ARNT: variants seen among roughly 807,000 people sequenced by gnomAD.
ARNT encodes the protein aryl hydrocarbon receptor nuclear translocator.
A neutral mutation model predicts 105.0 loss-of-function variants in ARNT; 30 were observed. The observed-to-expected ratio is 0.29, with a 90% CI of 0.21 to 0.39. The LOEUF (loss-of-function observed/expected upper bound fraction) is 0.39. Ranked by LOEUF, ARNT falls within the 10% of genes least tolerant of loss-of-function variation. ARNT has a pLI of 1.00. For synonymous variants in ARNT, 304 were observed against 344.0 expected (o/e 0.88, Z 1.29); for missense variants, 748 against 978.7 (o/e 0.76, Z 3.15).
At chr1:150,840,005 T>C (rs1031483968) in intron 5 of ARNT, among the ~76,000 whole-genome samples, 3 of 152,022 alleles carry the variant, frequency 2.0e-5, no homozygotes, top group East Asian at 1.9e-4. Context: ...CTTTGGGAGA[T>C]GGAGGCAGGT....
At chr1:150,813,919 C>T (rs769905221) in intron 20 of ARNT, among the ~76,000 whole-genome samples, 158 bp downstream of exon 20, 6 of 152,164 alleles carry the variant, frequency 3.9e-5, no homozygotes, top group Non-Finnish European at 8.8e-5. Flanking sequence ...AGCCACCGCA[C>T]CCAGCTGGTA....
At chr1:150,818,251 G>T (rs1656352133) in intron 14 of ARNT, 3 of 445,722 alleles carry the variant, frequency 6.7e-6, no homozygotes, top group South Asian at 4.8e-5. Flanking sequence ...CATCTTGTTG[G>T]GTTCTAACTC....
chr1:150,815,901 A>G (rs1056941604), intron 19 of ARNT, among the ~76,000 whole-genome samples: 1 of 151,256 alleles, frequency 6.6e-6, no homozygotes, highest in Non-Finnish European at 1.5e-5. Context: ...ACTTTTTTGT[A>G]AACAGACATC....
intron 14 of ARNT, among the ~76,000 whole-genome samples, chr1:150,822,050 T>C (rs1374591942): frequency 1.3e-5 from 2 of 152,122 alleles, no homozygotes; most frequent in South Asian, 2.1e-4. Flanking sequence ...AATGATAAAA[T>C]AGACTAGAAT....
Position 150,817,447 on chromosome 1 carries a change from G to T in ARNT, c.1506-14C>A. 1 of 1,612,778 alleles carries T rather than the reference G, an allele frequency of 6.2e-7. No individual in the cohort carries two copies. Among genetic ancestry groups the T allele is most frequent in the Non-Finnish European group, 8.5e-7 (1 of 1,179,672 alleles). On this transcript the variant is annotated splice_polypyrimidine_tract_variant and intron_variant, in intron 15 of 21. Transcript: ENST00000358595. Reference sequence around the variant, plus strand: ...TGTTGCTGCTGCCTATATGTCAAAGGCCAGTTGACAAGACAAATAGAAAAA... The same window carrying T: ...TGTTGCTGCTGCCTATATGTCAAAGTCCAGTTGACAAGACAAATAGAAAAA...
intron 10 of ARNT, 84 bp downstream of exon 10, chr1:150,831,732 CAG>C: frequency 1.2e-6 from 1 of 820,302 alleles, no homozygotes; most frequent in Non-Finnish European, 2.0e-6. Context: ...TTTCATATAC[CAG>C]GTATATAATA....
At chr1:150,849,762 C>CA (rs1188850195) in intron 3 of ARNT, among the ~76,000 whole-genome samples, 1 of 151,966 alleles carries the variant, frequency 6.6e-6, no homozygotes, top group Non-Finnish European at 1.5e-5. Context: ...GACCCTGTCT[C>CA]AAAAAAATAA....
intron 5 of ARNT, among the ~76,000 whole-genome samples, 154 bp from the exon 6 acceptor site, chr1:150,839,808 C>A (rs1660956904): frequency 1.3e-5 from 2 of 152,300 alleles, no homozygotes; most frequent in East Asian, 1.9e-4. Flanking sequence ...GGTTTGCCAA[C>A]CTTCTCATGC....
chr1:150,860,378 G>A (rs935458918), intron 1 of ARNT, among the ~76,000 whole-genome samples: 1 of 151,074 alleles, frequency 6.6e-6, no homozygotes, highest in Non-Finnish European at 1.5e-5. Flanking sequence ...ACCACGCCTG[G>A]CTAATTTTTG....
chr1:150,862,712 TAAAAA>T (rs56147665), intron 1 of ARNT, among the ~76,000 whole-genome samples: 2 of 66,594 alleles, frequency 3.0e-5, no homozygotes, highest in East Asian at 4.3e-4. Context: ...CCTGCCTCTG[TAAAAA>T]AAAAAAAAAA....
At chr1:150,813,055 T>C in intron 21 of ARNT, 117 bp downstream of exon 21, 1 of 1,171,842 alleles carries the variant, frequency 8.5e-7, no homozygotes, top group East Asian at 2.4e-5. Context: ...CTCTGTCTTC[T>C]CACATATACC....
chr1:150,872,155 G>A (rs1330518436), intron 1 of ARNT, among the ~76,000 whole-genome samples: 2 of 151,886 alleles, frequency 1.3e-5, no homozygotes, highest in Non-Finnish European at 2.9e-5. Context: ...AAGGGGTTTC[G>A]TCACGTTGTC....
rs587775627 is a variant in ARNT, at chr1:150,856,762, G to A, written c.137+1587C>T. ...TGGCAAAAGAGCAAGACTCTGCCTC[G>A]AAAATAAATAAGTAAATAAAAATAA... is the stretch of plus-strand genomic sequence containing the variant. On this transcript the variant is annotated intron_variant, in intron 2 of 21. Coordinates refer to ENST00000358595, the MANE Select transcript of ARNT (RefSeq NM_001668.4). 1.1e-4 allele frequency among the ~76,000 whole-genome samples: 17 copies of A among 151,940 alleles called. No homozygotes were observed. The South Asian group carries it at 2.1e-3, about 19-fold the overall frequency.
At chr1:150,839,335 A>G (rs758076714) in intron 6 of ARNT, 106 bp downstream of exon 6, 23 of 1,130,522 alleles carry the variant, frequency 2.0e-5, no homozygotes, top group Non-Finnish European at 3.0e-5. Flanking sequence ...TCGTTTTCCC[A>G]TTGTCTGACT....
At chr1:150,874,847 A>T (rs587683422) in intron 1 of ARNT, among the ~76,000 whole-genome samples, 1 of 152,308 alleles carries the variant, frequency 6.6e-6, no homozygotes, top group African/African-American at 2.4e-5. Context: ...ACACACACAT[A>T]CACACTAACA....
In ARNT at chr1:150,846,296, T is replaced by C; in HGVS notation, c.194A>G (p.Asp65Gly). 1 of 1,613,222 alleles carries C rather than the reference T, an allele frequency of 6.2e-7. No homozygotes were observed. The highest frequency in any genetic ancestry group is 8.5e-7 in the Non-Finnish European group (1 of 1,179,414). The part of the protein sequence containing the change: ...GNSKFLRCDD[D>G]QMSNDKERFA... The stretch of plus-strand genomic sequence containing the variant: ...CCGCTCCTTATCGTTAGACATCTGA[T>C]CATCATCACACCTGAAGGAGAGAAA... Residue 65 changes from aspartate to glycine, a missense_variant, in exon 4 of 22, where the codon GAT becomes GGT. By Grantham distance (94) the Asp-to-Gly change is moderately conservative. This residue lies in a region of ARNT where 93 missense variants were observed against 101.6 expected (regional missense o/e 0.92). Transcript: ENST00000358595.
At chr1:150,846,385 G>A in intron 3 of ARNT, 78 bp from the exon 4 acceptor site, 2 of 1,417,094 alleles carry the variant, frequency 1.4e-6, no homozygotes, top group Non-Finnish European at 2.0e-6. Context: ...AACTAGAAAG[G>A]GGTGAAAATA....
In ARNT at chr1:150,811,982, AT is replaced by A; in HGVS notation, c.*38del. Reference sequence around the variant, plus strand: ...ATTTGCTTTTTAAAAACAAACAGTGATTTTTTCTCCCCCACCCCTTATCCTC... The same window carrying A: ...ATTTGCTTTTTAAAAACAAACAGTGATTTTTCTCCCCCACCCCTTATCCTC... On this transcript the variant is annotated 3_prime_UTR_variant, in exon 22 of 22. Coordinates refer to ENST00000358595, the MANE Select transcript of ARNT (RefSeq NM_001668.4). The A allele has an allele frequency of 2.2e-6, 3 of 1,395,204 alleles. No individual in the cohort carries two copies. The highest frequency in any genetic ancestry group is 5.3e-5 in the Admixed American group (2 of 37,692). The allele number at this position is 1,395,204 out of a possible 1,614,324, so 86.4% of individuals were successfully genotyped here. A position where few individuals can be genotyped will look rare whatever the true frequency, so the allele number is the denominator to read the frequency against.
intron 3 of ARNT, among the ~76,000 whole-genome samples, chr1:150,850,014 T>C (rs113432973): frequency 6.6e-6 from 1 of 152,156 alleles, no homozygotes; most frequent in African/African-American, 2.4e-5. Context: ...ACTGCAGCAC[T>C]GCACTCCAGC....
Sources: allele counts gnomAD v4.1 joint callset (sites outside exome capture counted in the v4.1 genomes callset), GRCh38; gene constraint gnomAD v4.1.1; regional missense constraint gnomAD v4.1.1; transcripts MANE v1.5; gene names NCBI Gene and HGNC (gene_info 2026-07-23, HGNC 2026-07-21).